The following MLKL variants were observed in gnomAD, a reference collection of about 807,000 sequenced individuals.
The protein encoded by MLKL is mixed lineage kinase domain-like protein.
In MLKL, 55 loss-of-function variants were observed where a neutral mutation model predicts 56.5. The observed-to-expected ratio is 0.97, with a 90% confidence interval of 0.78 to 1.22. MLKL has a LOEUF of 1.22. MLKL is among the 50% of genes most tolerant of loss of function. The pLI is 0.00. For synonymous variants in MLKL, 251 were observed against 208.3 expected (o/e 1.20, Z -1.76); for missense variants, 694 against 573.9 (o/e 1.21, Z -2.14).
At chr16:74,695,231 G>C in intron 2 of MLKL, 67 bp downstream of exon 2, 4 of 1,477,492 alleles carry the variant, frequency 2.7e-6, no homozygotes, top group Non-Finnish European at 3.7e-6. Flanking sequence ...CTGCTCCTTT[G>C]GTAAATTAAA....
At position 74,695,558 on chromosome 16, in the gene MLKL, G is replaced by A. The variant is rs1960979352; in HGVS notation, c.200C>T (p.Ala67Val). Residue 67 changes from alanine (A) to valine (V), a missense_variant, in exon 2 of 11, where the codon GCT (alanine) becomes GTT (valine). Transcript: ENST00000308807. ...KLTTAMNRFK[A>V]ALEEANGEIE... is the part of the protein sequence containing the mutation. Reference sequence around the variant, plus strand: ...CTCCCCATTAGCCTCCTCCAGGGCAGCCTTGAAGCGGTTCATGGCTGTGGT... The same window carrying A: ...CTCCCCATTAGCCTCCTCCAGGGCAACCTTGAAGCGGTTCATGGCTGTGGT... The A allele has an allele frequency of 1.2e-6, 2 of 1,614,100 alleles. No individual in the cohort carries two copies. Among genetic ancestry groups the A allele is most frequent in the Non-Finnish European group, 1.7e-6 (2 of 1,180,060 alleles).
At chr16:74,680,515 GT>G (rs1959891181) in intron 6 of MLKL, among the ~76,000 whole-genome samples, 1 of 150,872 alleles carries the variant, frequency 6.6e-6, no homozygotes, top group East Asian at 1.9e-4. Flanking sequence ...TTTGTTTTTT[GT>G]TTTTTTATGA....
intron 7 of MLKL, 146 bp from the exon 8 acceptor site, chr16:74,675,910 A>G (rs1959568639): frequency 2.4e-6 from 2 of 823,880 alleles, no homozygotes; most frequent in Non-Finnish European, 3.8e-6. Flanking sequence ...CTGTGTGGCT[A>G]CTTTATTGGT....
chr16:74,680,918 A>G (rs1485232988), intron 6 of MLKL, among the ~76,000 whole-genome samples: 1 of 152,150 alleles, frequency 6.6e-6, no homozygotes, highest in Non-Finnish European at 1.5e-5. Context: ...CCAGAATTTA[A>G]TTACATTGTT....
chr16:74,676,295 G>A (rs776606462), intron 7 of MLKL: 64 of 986,324 alleles, frequency 6.5e-5, no homozygotes, highest in African/African-American at 3.8e-4. Context: ...AGGCCTGCGC[G>A]GTCACCTGGT....
At chr16:74,699,844 G>A (rs1256123906) in intron 1 of MLKL, among the ~76,000 whole-genome samples, 1 of 152,116 alleles carries the variant, frequency 6.6e-6, no homozygotes, top group Non-Finnish European at 1.5e-5. Context: ...GGGAGGATCT[G>A]GTTGGAGGAT....
chr16:74,676,336 C>T (rs1012855170), intron 7 of MLKL: 19 of 985,754 alleles, frequency 1.9e-5, no homozygotes, highest in Non-Finnish European at 2.2e-5. Flanking sequence ...ACAATCATGA[C>T]AGCATATGTT....
chr16:74,684,632 C>T (rs567388680), intron 5 of MLKL, among the ~76,000 whole-genome samples: 1 of 151,100 alleles, frequency 6.6e-6, no homozygotes, highest in Non-Finnish European at 1.5e-5. Flanking sequence ...GTAGCTGGGA[C>T]TAGAGGCATG....
At position 74,679,009 on chromosome 16, in the gene MLKL, G is replaced by A. The variant is rs144383869; in HGVS notation, c.957-29C>T. 169 of 1,590,832 alleles carry A rather than the reference G, an allele frequency of 1.1e-4. No individual in the cohort carries two copies. In the African/African-American group the frequency reaches 1.9e-3, roughly 18 times the overall value. On this transcript the variant is annotated intron_variant, in intron 6 of 10. Transcript: ENST00000308807. ...ACACAGCCAAAGGCGGGGAGCATAA[G>A]TACCTTTGCCCAAACTTTCTTTGGG...
intron 3 of MLKL, 73 bp downstream of exon 3, chr16:74,692,269 G>T: frequency 7.4e-7 from 1 of 1,343,716 alleles, no homozygotes; most frequent in Non-Finnish European, 1.1e-6. Flanking sequence ...GGTAGCGGGA[G>T]GCTGGGGTCC....
intron 4 of MLKL, among the ~76,000 whole-genome samples, chr16:74,690,873 C>T (rs987680137): frequency 3.4e-5 from 5 of 148,816 alleles, no homozygotes; most frequent in African/African-American, 9.9e-5. Flanking sequence ...ATATGGAACA[C>T]GTTTCATGAT....
rs142094255 is a variant in MLKL at position 74,676,149 on chromosome 16, G to A, written c.1039-385C>T. 2.2e-5 allele frequency: 14 copies of A among 641,980 alleles called. No individual in the cohort carries two copies. In the East Asian group the frequency reaches 1.8e-3, roughly 82 times the overall value. 39.8% of individuals were successfully genotyped at this position (641,980 alleles called of 1,614,324 possible). Reference sequence around the variant, plus strand: ...AGTGAGAGTGGAGAGGGGTCATAGAGCCACTGCCTGGCTCGCCTTTTCCCA... The same window carrying A: ...AGTGAGAGTGGAGAGGGGTCATAGAACCACTGCCTGGCTCGCCTTTTCCCA... On this transcript the variant is annotated intron_variant, in intron 7 of 10. Transcript: ENST00000308807.
intron 4 of MLKL, among the ~76,000 whole-genome samples, chr16:74,689,123 T>C (rs934235770): frequency 4.7e-4 from 65 of 139,200 alleles, no homozygotes; most frequent in Non-Finnish European, 6.7e-4. Context: ...TTTTTTTTTC[T>C]TTTTTTTTTT....
chr16:74,697,817 G>A (rs994435081), intron 1 of MLKL, among the ~76,000 whole-genome samples: 5 of 151,834 alleles, frequency 3.3e-5, no homozygotes, highest in African/African-American at 1.2e-4. Context: ...ACCCTGTCTC[G>A]AAAAAACAAA....
In MLKL at chr16:74,692,855, T is replaced by C. The variant is rs549555866; in HGVS notation, c.461-439A>G. ...TTTAGAACACTGAGTTGTTGTTTTT[T>C]AAACCACAGCATAATCAAATCAATC... is the stretch of plus-strand genomic sequence containing the variant. On this transcript the variant is annotated intron_variant, in intron 2 of 10. Transcript: ENST00000308807. Among the ~76,000 whole-genome samples the C allele has an allele frequency of 7.9e-5, 12 of 152,364 alleles. No homozygotes were observed. The South Asian group carries it at 2.5e-3, about 32-fold the overall frequency.
intron 4 of MLKL, among the ~76,000 whole-genome samples, chr16:74,691,022 C>G (rs1191101732): frequency 6.6e-6 from 1 of 150,490 alleles, no homozygotes; most frequent in Non-Finnish European, 1.5e-5. Flanking sequence ...AGGGGATGAG[C>G]AACTGGGAAA....
At chr16:74,691,580 G>C (rs1348176778) in intron 3 of MLKL, 117 bp from the exon 4 acceptor site, 8 of 1,132,874 alleles carry the variant, frequency 7.1e-6, no homozygotes, top group Admixed American at 2.5e-5. Context: ...ATGAACCAGA[G>C]CTGGTGGTGG....
At chr16:74,697,852 G>A (rs984808376) in intron 1 of MLKL, among the ~76,000 whole-genome samples, 1 of 152,068 alleles carries the variant, frequency 6.6e-6, no homozygotes, top group African/African-American at 2.4e-5. Context: ...AGATGCTGCG[G>A]TTCAGGGAGG....
intron 4 of MLKL, among the ~76,000 whole-genome samples, chr16:74,686,541 C>T (rs999994928): frequency 3.9e-5 from 6 of 152,234 alleles, no homozygotes; most frequent in Non-Finnish European, 7.3e-5. Flanking sequence ...CGAGATCACA[C>T]CATTGCACTC....
Sources: gnomAD v4.1 joint callset for allele counts (sites outside exome capture counted in the v4.1 genomes callset) on GRCh38, gnomAD v4.1.1 for gene constraint, MANE v1.5 for transcripts, NCBI Gene and HGNC (gene_info 2026-07-23, HGNC 2026-07-21) for gene names.